The following SNRK variants were observed in gnomAD, a reference collection of about 807,000 sequenced individuals.
SNRK encodes SNF-related serine/threonine-protein kinase.
Under a neutral mutation model 48.2 loss-of-function variants are expected in SNRK, and 3 were observed. The ratio of observed to expected loss-of-function variants is 0.06; its 90% confidence interval spans 0.03 to 0.16. The LOEUF is 0.16. Among genes scored for constraint, SNRK ranks in the 10% least tolerant of loss-of-function variants. The pLI is 1.00. For synonymous variants in SNRK, 376 were observed against 366.1 expected (o/e 1.03, Z -0.31); for missense variants, 627 against 976.0 (o/e 0.64, Z 4.76).
At chr3:43,338,117 A>G (rs1391557323) in intron 4 of SNRK, among the ~76,000 whole-genome samples, 1 of 152,210 alleles carries the variant, frequency 6.6e-6, no homozygotes, top group Non-Finnish European at 1.5e-5. Flanking sequence ...TATTTTAATA[A>G]CTTTTCAAAT....
intron 4 of SNRK, 43 bp from the exon 5 acceptor site, chr3:43,340,244 T>G: frequency 6.9e-7 from 1 of 1,457,262 alleles, no homozygotes. Flanking sequence ...TACTGATCCT[T>G]GCAAGCAGTT....
rs2091309782 is a variant in SNRK, at chr3:43,349,879, G to A, written c.*1322G>A. The A allele has an allele frequency of 6.6e-6, 1 of 152,184 alleles. No homozygotes were observed. The highest frequency in any genetic ancestry group is 6.5e-5 in the Admixed American group (1 of 15,280). 9.4% of individuals were successfully genotyped at this position (152,184 alleles called of 1,614,324 possible). On this transcript the variant is annotated 3_prime_UTR_variant, in exon 7 of 7. Coordinates refer to ENST00000296088, the MANE Select transcript of SNRK (RefSeq NM_017719.5). ...CTGGGAGTCTTAAAAGCAGTGCTTA[G>A]CAACATTGGTGATAGCATGTGGCTG... is the stretch of plus-strand genomic sequence containing the variant.
chr3:43,300,258 G>T (rs2090888921), intron 2 of SNRK, among the ~76,000 whole-genome samples: 1 of 151,964 alleles, frequency 6.6e-6, no homozygotes, highest in Non-Finnish European at 1.5e-5. Flanking sequence ...CCTCTTGCTG[G>T]CAAAGGTTTG....
chr3:43,289,712 A>G (rs745963949), intron 1 of SNRK: 1 of 152,634 alleles, frequency 6.6e-6, no homozygotes, highest in Non-Finnish European at 1.5e-5. Flanking sequence ...CCCTCCCTGA[A>G]CATTTATTTC....
chr3:43,331,084 C>T (rs2091142886), intron 3 of SNRK, among the ~76,000 whole-genome samples: 2 of 152,174 alleles, frequency 1.3e-5, no homozygotes, highest in South Asian at 4.1e-4. Context: ...TAAATGGAAA[C>T]AGCAGTTGAA....
chr3:43,338,558 G>A (rs1009034364), intron 4 of SNRK, among the ~76,000 whole-genome samples: 1 of 152,226 alleles, frequency 6.6e-6, no homozygotes. Flanking sequence ...GGTTCAAGAT[G>A]TGTGCTCTTT....
At chr3:43,288,743 G>A (rs1349862690) in intron 1 of SNRK, among the ~76,000 whole-genome samples, 1 of 152,162 alleles carries the variant, frequency 6.6e-6, no homozygotes, top group Admixed American at 6.5e-5. Flanking sequence ...CCATAGGCCA[G>A]AATCTTAGGA....
intron 4 of SNRK, among the ~76,000 whole-genome samples, chr3:43,336,251 C>T (rs1464519111): frequency 1.3e-5 from 2 of 148,726 alleles, no homozygotes; most frequent in Non-Finnish European, 3.0e-5. Flanking sequence ...CTTCCCTTTC[C>T]TCCCCTCCTT....
At chr3:43,306,596 A>G (rs1003606981) in intron 3 of SNRK, among the ~76,000 whole-genome samples, 2 of 152,066 alleles carry the variant, frequency 1.3e-5, no homozygotes, top group Non-Finnish European at 2.9e-5. Flanking sequence ...TCATGTATCA[A>G]AAGCTTATTT....
In SNRK at chr3:43,332,330, TG is replaced by T; in HGVS notation, c.731+22del. 7.2e-7 allele frequency: 1 copy of T among 1,380,722 alleles called. No individual in the cohort carries two copies. 85.5% of individuals were successfully genotyped at this position (1,380,722 alleles called of 1,614,324 possible). ...TAAAGAGTAAGTAAAACAAAGTATG[TG>T]GAAACCTTAAGGACTCAGATTAAAA... On this transcript the variant is annotated intron_variant, in intron 4 of 6. Coordinates refer to ENST00000296088, the MANE Select transcript of SNRK (RefSeq NM_017719.5).
chr3:43,350,111 C>T lies in SNRK; in HGVS notation c.*1554C>T, dbSNP rs1042220129. The T allele has an allele frequency of 2.0e-5, 3 of 152,592 alleles. No homozygotes were observed. The highest frequency in any genetic ancestry group is 2.9e-5 in the Non-Finnish European group (2 of 68,042). The allele number at this position is 152,592 out of a possible 1,614,324, so 9.5% of individuals were successfully genotyped here. ...AACTCTGAATTTCACAGTATACTTA[C>T]TAAACTAAGTAAAAATGATACTTAA... On this transcript the variant is annotated 3_prime_UTR_variant, in exon 7 of 7. Coordinates refer to ENST00000296088, the MANE Select transcript of SNRK (RefSeq NM_017719.5).
Position 43,319,027 on chromosome 3 carries a change from C to CAA in SNRK, c.590-13126_590-13125dup, listed in dbSNP as rs573381074. On this transcript the variant is annotated intron_variant, in intron 3 of 6. Transcript: ENST00000296088. ...TGGGCGACAAAGCGAGACTTTGTCT[C>CAA]AAAAAAAAAAAAAAAAAGAATCAGT... is the stretch of plus-strand genomic sequence containing the variant. Among the ~76,000 whole-genome samples the CAA allele has an allele frequency of 2.6e-4, 18 of 68,848 alleles. No homozygotes were observed. In the South Asian group the frequency reaches 7.4e-3, roughly 28 times the overall value. 45.2% of individuals were successfully genotyped at this position (68,848 alleles called of 152,430 possible). A position where few individuals can be genotyped will look rare whatever the true frequency, so the allele number is the denominator to read the frequency against.
chr3:43,307,666 A>C (rs1349311239), intron 3 of SNRK, among the ~76,000 whole-genome samples: 1 of 152,078 alleles, frequency 6.6e-6, no homozygotes, highest in Non-Finnish European at 1.5e-5. Context: ...TGACTGTTTT[A>C]CCTACCAGCC....
At chr3:43,306,600 C>T (rs1209132728) in intron 3 of SNRK, among the ~76,000 whole-genome samples, 1 of 151,834 alleles carries the variant, frequency 6.6e-6, no homozygotes. Context: ...GTATCAAAAG[C>T]TTATTTCTGT....
chr3:43,289,524 A>G (rs974964272), intron 1 of SNRK, among the ~76,000 whole-genome samples: 5 of 152,186 alleles, frequency 3.3e-5, no homozygotes, highest in Admixed American at 2.0e-4. Context: ...CTCAGATTTA[A>G]TGGCCTCACG....
chr3:43,288,246 T>A (rs917529834), intron 1 of SNRK, among the ~76,000 whole-genome samples: 17 of 152,238 alleles, frequency 1.1e-4, no homozygotes, highest in African/African-American at 3.4e-4. Context: ...AATTTTTTTT[T>A]AAATTTGTAT....
intron 3 of SNRK, among the ~76,000 whole-genome samples, chr3:43,307,787 G>T (rs979075603): frequency 6.6e-6 from 1 of 152,160 alleles, no homozygotes; most frequent in African/African-American, 2.4e-5. Context: ...GCCTCTAAGT[G>T]TTCAAGTGAA....
intron 6 of SNRK, among the ~76,000 whole-genome samples, 195 bp downstream of exon 6, chr3:43,343,673 T>A (rs1490291894): frequency 6.6e-6 from 1 of 152,032 alleles, no homozygotes; most frequent in Non-Finnish European, 1.5e-5. Context: ...AGGGATGCCG[T>A]CCCCTTCTGG....
chr3:43,339,054 A>C (rs542292641), intron 4 of SNRK, among the ~76,000 whole-genome samples: 1 of 152,064 alleles, frequency 6.6e-6, no homozygotes, highest in Non-Finnish European at 1.5e-5. Flanking sequence ...TATTCTTTGT[A>C]ATATTATTTG....
Sources: allele counts gnomAD v4.1 joint callset (sites outside exome capture counted in the v4.1 genomes callset), GRCh38; gene constraint gnomAD v4.1.1; transcripts MANE v1.5; gene names NCBI Gene and HGNC (gene_info 2026-07-23, HGNC 2026-07-21).